The following GAREM1 variants were observed in gnomAD, a reference collection of about 807,000 sequenced individuals.
The protein encoded by GAREM1 is GRB2 associated regulator of MAPK1 subtype 1.
In GAREM1, 26 loss-of-function variants were observed where a neutral mutation model predicts 71.3. The observed-to-expected ratio is 0.36, with a 90% CI of 0.27 to 0.51. The LOEUF is 0.51. Among genes scored for constraint, GAREM1 ranks in the 20% least tolerant of loss-of-function variants. GAREM1 has a pLI of 0.95. For missense variants in GAREM1, 1,026 were observed against 1,103.1 expected (o/e 0.93, Z 0.99); for synonymous variants, 440 against 433.2 (o/e 1.02, Z -0.20).
At chr18:32,323,367 G>A (rs1021708677) in intron 2 of GAREM1, among the ~76,000 whole-genome samples, 1 of 152,218 alleles carries the variant, frequency 6.6e-6, no homozygotes, top group Non-Finnish European at 1.5e-5. Context: ...TGAAGCCACG[G>A]TCCTGAAGTG....
chr18:32,425,531 G>A (rs578163860), intron 1 of GAREM1, among the ~76,000 whole-genome samples: 3 of 152,190 alleles, frequency 2.0e-5, no homozygotes, highest in Admixed American at 2.0e-4. Flanking sequence ...AGAAACAGGG[G>A]GTGGAGACAC....
At chr18:32,306,265 C>T (rs1037474784) in intron 3 of GAREM1, among the ~76,000 whole-genome samples, 1 of 152,138 alleles carries the variant, frequency 6.6e-6, no homozygotes, top group African/African-American at 2.4e-5. Context: ...TGTCCTTCTA[C>T]CTCACTGCTA....
chr18:32,350,170 C>A (rs950932701), intron 2 of GAREM1, among the ~76,000 whole-genome samples: 12 of 152,286 alleles, frequency 7.9e-5, no homozygotes, highest in Non-Finnish European at 1.3e-4. Context: ...AAGTTGAAAA[C>A]TGCCCCCCTT....
intron 2 of GAREM1, among the ~76,000 whole-genome samples, chr18:32,323,789 T>G (rs28405812): frequency 6.6e-6 from 1 of 152,094 alleles, no homozygotes; most frequent in African/African-American, 2.4e-5. Flanking sequence ...TGGAGAAATA[T>G]AAAATGATTC....
At position 32,354,116 on chromosome 18, in the gene GAREM1, A is replaced by G. The variant is rs540334988; in HGVS notation, c.262+38779T>C. Reference sequence around the variant, plus strand: ...GCATTACAAGGTAGCAGCAAATATAAAAGAATACTTTAGTACCAGAGGTTG... The same window carrying G: ...GCATTACAAGGTAGCAGCAAATATAGAAGAATACTTTAGTACCAGAGGTTG... On this transcript the variant is annotated intron_variant, in intron 2 of 5. Coordinates refer to ENST00000269209, the MANE Select transcript of GAREM1 (RefSeq NM_001242409.2). Among the ~76,000 whole-genome samples, 4 of 152,348 alleles carry G rather than the reference A, an allele frequency of 2.6e-5. No individual in the cohort carries two copies. The East Asian group carries it at 7.7e-4, about 29-fold the overall frequency.
At position 32,287,030 on chromosome 18, in the gene GAREM1, C is replaced by T. The variant is rs1459613401; in HGVS notation, c.1566+1G>A. 2.5e-6 allele frequency: 4 copies of T among 1,605,120 alleles called. No homozygotes were observed. Among genetic ancestry groups the T allele is most frequent in the East Asian group, 2.2e-5 (1 of 44,792 alleles). Reference sequence around the variant, plus strand: ...CGCATTCAAAAACAGAAATGACTTACGGCTTCAGATTTGGGAGGCACTGGA... The same window carrying T: ...CGCATTCAAAAACAGAAATGACTTATGGCTTCAGATTTGGGAGGCACTGGA... On this transcript the variant is annotated splice_donor_variant, in intron 4 of 5. Coordinates refer to ENST00000269209, the MANE Select transcript of GAREM1 (RefSeq NM_001242409.2). LOFTEE classifies it high-confidence loss of function. The surrounding 1 kb of genome is among the most constrained non-coding windows in gnomAD (Gnocchi z 5.9).
chr18:32,417,495 A>G (rs2044949765), intron 1 of GAREM1, among the ~76,000 whole-genome samples: 1 of 152,206 alleles, frequency 6.6e-6, no homozygotes, highest in African/African-American at 2.4e-5. Flanking sequence ...ATGAATGGAT[A>G]AAGAAAATGT....
intron 3 of GAREM1, among the ~76,000 whole-genome samples, chr18:32,288,487 T>C (rs2047049530): frequency 6.6e-6 from 1 of 152,090 alleles, no homozygotes; most frequent in African/African-American, 2.4e-5. Flanking sequence ...ATTTTTTCTT[T>C]TGCAGTTATA....
intron 2 of GAREM1, among the ~76,000 whole-genome samples, chr18:32,334,192 TAGG>T (rs1233810111): frequency 3.3e-5 from 5 of 152,034 alleles, no homozygotes; most frequent in East Asian, 1.9e-4. Flanking sequence ...GAAAAATCTA[TAGG>T]AGAAGAGAGA....
At chr18:32,270,897 G>GTTTTTTTTTTTTT (rs58914123) in intron 4 of GAREM1, among the ~76,000 whole-genome samples, 2 of 92,596 alleles carry the variant, frequency 2.2e-5, no homozygotes, top group Non-Finnish European at 3.9e-5. Flanking sequence ...GTTCAGGGAT[G>GTTTTTTTTTTTTT]TTTTTTTTTT....
At chr18:32,380,437 C>T (rs192528103) in intron 2 of GAREM1, among the ~76,000 whole-genome samples, 124 of 141,088 alleles carry the variant, frequency 8.8e-4, no homozygotes, top group Middle Eastern at 4.0e-3. Flanking sequence ...AATTGCACCA[C>T]TGCACTCCAG....
At chr18:32,315,536 GAT>G (rs10638609) in intron 2 of GAREM1, among the ~76,000 whole-genome samples, 4 of 145,172 alleles carry the variant, frequency 2.8e-5, no homozygotes, top group Admixed American at 6.9e-5. Flanking sequence ...TATAAAAGTA[GAT>G]ATATATATAT....
intron 3 of GAREM1, among the ~76,000 whole-genome samples, chr18:32,299,855 A>C (rs2047182466): frequency 6.6e-6 from 1 of 152,186 alleles, no homozygotes; most frequent in South Asian, 2.1e-4. Flanking sequence ...AGACACAAGA[A>C]GCAAATAAGA....
intron 1 of GAREM1, among the ~76,000 whole-genome samples, chr18:32,431,762 C>T (rs961316552): frequency 1.3e-5 from 2 of 152,114 alleles, no homozygotes; most frequent in African/African-American, 4.8e-5. Flanking sequence ...CCTTACACAT[C>T]ACAATGAAAC....
chr18:32,370,076 G>A (rs1042068193), intron 2 of GAREM1, among the ~76,000 whole-genome samples: 7 of 152,284 alleles, frequency 4.6e-5, no homozygotes, highest in East Asian at 3.9e-4. Flanking sequence ...GGCAGGGTGC[G>A]GGCTACTTCA....
rs193207177 is a variant in GAREM1, at chr18:32,332,680, T to C, written c.263-22357A>G. On this transcript the variant is annotated intron_variant, in intron 2 of 5. Transcript: ENST00000269209. ...CTGCCTATCACCAAGCCCACCACACTGTCCCTGCTGTGTCTCCTACCACAC... is the reference window on the plus strand; with the variant it reads ...CTGCCTATCACCAAGCCCACCACACCGTCCCTGCTGTGTCTCCTACCACAC... Among the ~76,000 whole-genome samples, 12 of 152,282 alleles carry C rather than the reference T, an allele frequency of 7.9e-5. No homozygotes were observed. In the East Asian group the frequency reaches 1.7e-3, roughly 22 times the overall value.
intron 4 of GAREM1, among the ~76,000 whole-genome samples, chr18:32,284,356 G>A (rs545524106): frequency 2.0e-5 from 3 of 152,124 alleles, no homozygotes; most frequent in Middle Eastern, 3.2e-3. Flanking sequence ...AGCTTAGACT[G>A]GAGGCCAAAT....
chr18:32,398,656 GA>G (rs1332731545), intron 1 of GAREM1, among the ~76,000 whole-genome samples: 1 of 152,176 alleles, frequency 6.6e-6, no homozygotes, highest in African/African-American at 2.4e-5. Context: ...AACAGGCTCT[GA>G]AATTGAGGCA....
At chr18:32,331,445 G>C (rs1296275099) in intron 2 of GAREM1, 1 of 152,126 alleles carries the variant, frequency 6.6e-6, no homozygotes, top group Non-Finnish European at 1.5e-5. Flanking sequence ...ACACATATGT[G>C]GGCAAAATAG....
Sources: allele counts gnomAD v4.1 joint callset (sites outside exome capture counted in the v4.1 genomes callset), GRCh38; gene constraint gnomAD v4.1.1; non-coding constraint Gnocchi (gnomAD v3.1); transcripts MANE v1.5; gene names NCBI Gene and HGNC (gene_info 2026-07-23, HGNC 2026-07-21).